Variants in PRKCE observed in about 807,000 individuals in gnomAD.
The protein encoded by PRKCE is protein kinase C epsilon.
Under a neutral mutation model 85.4 loss-of-function variants are expected in PRKCE, and 16 were observed. That is an observed-to-expected ratio of 0.19 (90% CI 0.13 to 0.28). The LOEUF (loss-of-function observed/expected upper bound fraction) is 0.28. Among genes scored for constraint, PRKCE ranks in the 10% least tolerant of loss-of-function variants. The pLI is 1.00. For missense variants in PRKCE, 573 were observed against 975.2 expected, an observed-to-expected ratio of 0.59 and a Z score of 5.49; for synonymous variants, 388 against 371.5, an observed-to-expected ratio of 1.04 and a Z score of -0.51.
intron 10 of PRKCE, among the ~76,000 whole-genome samples, chr2:46,076,140 A>G (rs919345444): frequency 2.6e-5 from 4 of 152,024 alleles, no homozygotes; most frequent in African/African-American, 4.8e-5. Context: ...CCCTTCTAAA[A>G]CCCTCCTGAT....
chr2:46,169,144 C>T (rs1034031407), intron 14 of PRKCE, among the ~76,000 whole-genome samples: 4 of 152,182 alleles, frequency 2.6e-5, no homozygotes, highest in Admixed American at 1.3e-4. Context: ...GACCTTTGAT[C>T]TCCAGAGGCA....
At chr2:45,684,690 C>T (rs1677159731) in intron 1 of PRKCE, among the ~76,000 whole-genome samples, 1 of 152,204 alleles carries the variant, frequency 6.6e-6, no homozygotes, top group Non-Finnish European at 1.5e-5. Context: ...CAAGTTGGGA[C>T]TGCACCTCGA....
In PRKCE at chr2:45,917,520, A is replaced by T. The variant is rs552790133; in HGVS notation, c.413-58909A>T. Among the ~76,000 whole-genome samples, 11 of 152,368 alleles carry T rather than the reference A, an allele frequency of 7.2e-5. No homozygotes were observed. The South Asian group carries it at 2.3e-3, about 32-fold the overall frequency. On this transcript the variant is annotated intron_variant, in intron 2 of 14. Coordinates refer to ENST00000306156, the MANE Select transcript of PRKCE (RefSeq NM_005400.3). ...TGTTTACAAACCTTGAGCTAGATAC[A>T]GAGTGCCGATTGGTGTATTTACAAT...
chr2:46,071,562 C>G (rs1668085597), intron 10 of PRKCE, among the ~76,000 whole-genome samples: 1 of 152,158 alleles, frequency 6.6e-6, no homozygotes, highest in Admixed American at 6.5e-5. Flanking sequence ...CAAGTTTGGA[C>G]CCCTATACCA....
intron 12 of PRKCE, among the ~76,000 whole-genome samples, chr2:46,148,711 G>C (rs1041802690): frequency 3.9e-5 from 6 of 152,200 alleles, no homozygotes; most frequent in African/African-American, 1.4e-4. Flanking sequence ...CTACCCTCTG[G>C]TACCTTATAG....
chr2:46,173,536 G>A (rs1464703668), intron 14 of PRKCE, among the ~76,000 whole-genome samples: 1 of 152,224 alleles, frequency 6.6e-6, no homozygotes, highest in East Asian at 1.9e-4. Flanking sequence ...TAGCAGACAA[G>A]GAACATGTTC....
chr2:46,052,615 C>T (rs1708924228), intron 10 of PRKCE, among the ~76,000 whole-genome samples: 1 of 152,156 alleles, frequency 6.6e-6, no homozygotes, highest in African/African-American at 2.4e-5. Flanking sequence ...AAAATCCCAG[C>T]AGAGTTCTTG....
chr2:46,091,165 GGTTCCT>G (rs1670131901), intron 11 of PRKCE, among the ~76,000 whole-genome samples: 4 of 152,128 alleles, frequency 2.6e-5, no homozygotes, highest in African/African-American at 9.6e-5. Flanking sequence ...GCTGGGTGGG[GGTTCCT>G]GTCCCTTGTG....
At chr2:45,918,103 A>T (rs1026315265) in intron 2 of PRKCE, among the ~76,000 whole-genome samples, 7 of 152,360 alleles carry the variant, frequency 4.6e-5, no homozygotes, top group Non-Finnish European at 1.0e-4. Flanking sequence ...GGCCTTGGCC[A>T]GCCCAGAAAG....
intron 2 of PRKCE, among the ~76,000 whole-genome samples, chr2:45,883,772 C>A (rs188583246): frequency 5.3e-5 from 8 of 152,190 alleles, no homozygotes; most frequent in African/African-American, 1.9e-4. Flanking sequence ...GCTGGCATAT[C>A]CTTTCTGCAC....
chr2:45,679,442 T>G (rs1676719026), intron 1 of PRKCE, among the ~76,000 whole-genome samples: 1 of 152,182 alleles, frequency 6.6e-6, no homozygotes, highest in Non-Finnish European at 1.5e-5. Context: ...AGAAAATAAT[T>G]CTGCCCTCAG....
intron 1 of PRKCE, among the ~76,000 whole-genome samples, chr2:45,703,967 A>G (rs906253899): frequency 2.0e-5 from 3 of 152,232 alleles, no homozygotes; most frequent in African/African-American, 7.2e-5. Context: ...GCAGATTTAA[A>G]TTTCACCTGG....
intron 1 of PRKCE, among the ~76,000 whole-genome samples, chr2:45,690,869 A>G (rs1333936280): frequency 6.6e-6 from 1 of 152,234 alleles, no homozygotes; most frequent in Non-Finnish European, 1.5e-5. Flanking sequence ...TTTAGGGACA[A>G]CTTGGCATGG....
At chr2:46,048,509 G>A (rs11682804) in intron 10 of PRKCE, among the ~76,000 whole-genome samples, 94,328 of 152,102 alleles carry the variant, frequency 0.62, 31,082 homozygotes, top group African/African-American at 0.82. Flanking sequence ...CTCCTACCGA[G>A]CAGATGACTT....
At chr2:46,069,340 A>G (rs1458531139) in intron 10 of PRKCE, among the ~76,000 whole-genome samples, 2 of 152,210 alleles carry the variant, frequency 1.3e-5, no homozygotes, top group African/African-American at 4.8e-5. Flanking sequence ...GAAGGCTGTC[A>G]GTAGGCCTTT....
At chr2:46,111,304 T>A (rs535675553) in intron 11 of PRKCE, among the ~76,000 whole-genome samples, 43 of 152,362 alleles carry the variant, frequency 2.8e-4, no homozygotes, top group Non-Finnish European at 4.9e-4. Flanking sequence ...CTCCTTTCAG[T>A]TTAATCAGTT....
At chr2:45,720,348 G>T (rs1410259611) in intron 1 of PRKCE, among the ~76,000 whole-genome samples, 1 of 152,100 alleles carries the variant, frequency 6.6e-6, no homozygotes, top group Non-Finnish European at 1.5e-5. Context: ...GGGGCGGTAG[G>T]GGTGCCTGGC....
At chr2:45,749,298 A>G (rs959214641) in intron 1 of PRKCE, among the ~76,000 whole-genome samples, 1 of 152,232 alleles carries the variant, frequency 6.6e-6, no homozygotes. Flanking sequence ...CCTATTTAGG[A>G]AGAATAAATG....
chr2:46,182,561 CCCCCCTT>C (rs1431580079), intron 14 of PRKCE, among the ~76,000 whole-genome samples: 1 of 151,972 alleles, frequency 6.6e-6, no homozygotes. Context: ...TCTGTGTGTC[CCCCCCTT>C]CCCCCTTCCA....
Sources: allele counts gnomAD v4.1 joint callset (sites outside exome capture counted in the v4.1 genomes callset), GRCh38; gene constraint gnomAD v4.1.1; transcripts MANE v1.5; gene names NCBI Gene and HGNC (gene_info 2026-07-23, HGNC 2026-07-21).